The following ITPR1 variants were observed in gnomAD, a reference collection of about 807,000 sequenced individuals.
The protein encoded by ITPR1 is inositol 1,4,5-trisphosphate-gated calcium channel ITPR1.
Under a neutral mutation model 318.4 loss-of-function variants are expected in ITPR1, and 96 were observed. The ratio of observed to expected loss-of-function variants is 0.30; its 90% CI spans 0.26 to 0.36. The LOEUF is 0.36. Among genes scored for constraint, ITPR1 ranks in the 10% least tolerant of loss-of-function variants. The pLI, the probability that ITPR1 is intolerant of heterozygous loss-of-function variation, is 1.00. For missense variants in ITPR1, 2,440 were observed against 3,460.2 expected (o/e 0.71, Z 7.40); for synonymous variants, 1,312 against 1,289.9 (o/e 1.02, Z -0.37).
intron 4 of ITPR1, among the ~76,000 whole-genome samples, chr3:4,544,996 A>G (rs979996155): frequency 2.0e-5 from 3 of 151,968 alleles, no homozygotes; most frequent in South Asian, 4.2e-4. Context: ...GAGTCTCCCT[A>G]TGTTGCCCAA....
chr3:4,752,261 C>G lies in ITPR1; in HGVS notation c.5545-14269C>G, dbSNP rs192884998. On this transcript the variant is annotated intron_variant, in intron 44 of 61. Transcript: ENST00000649015. ...AACACAAACCCACAAACTGTTGAGC[C>G]CAGAGCTTGTAGCTATCAAGTCTGG... is the stretch of plus-strand genomic sequence containing the variant. Among the ~76,000 whole-genome samples, 54 of 152,220 alleles carry G rather than the reference C, an allele frequency of 3.5e-4. No homozygotes were observed. In the East Asian group the frequency reaches 8.9e-3, roughly 25 times the overall value.
intron 4 of ITPR1, among the ~76,000 whole-genome samples, chr3:4,528,332 G>T (rs2083144143): frequency 6.6e-6 from 1 of 152,182 alleles, no homozygotes; most frequent in Non-Finnish European, 1.5e-5. Flanking sequence ...TCTTTGTCAA[G>T]ATAGATGAGT....
chr3:4,624,200 T>C (rs1575774574), intron 4 of ITPR1, among the ~76,000 whole-genome samples: 1 of 152,316 alleles, frequency 6.6e-6, no homozygotes, highest in African/African-American at 2.4e-5. Flanking sequence ...GAAAAGGTCA[T>C]TTTACTCTCT....
rs543270882 is a variant in ITPR1, at chr3:4,616,990, G to A, written c.164-10773G>A. ...TTCTCATCACTCTCTTCCCTACAGC[G>A]TCCTTCTGCTTGTGGACGTAGTGAG... On this transcript the variant is annotated intron_variant, in intron 4 of 61. Coordinates refer to ENST00000649015, the MANE Select transcript of ITPR1 (RefSeq NM_001378452.1). Among the ~76,000 whole-genome samples the A allele has an allele frequency of 1.0e-3, 157 of 151,948 alleles. 2 individuals carry two copies. The highest frequency in any genetic ancestry group is 5.1e-3 in the Admixed American group (77 of 15,234).
rs768179678 is a variant in ITPR1, at chr3:4,688,558, G to A, written c.3766G>A (p.Ala1256Thr). 54 of 1,613,922 alleles carry A rather than the reference G, an allele frequency of 3.3e-5. No homozygotes were observed. The highest frequency in any genetic ancestry group is 1.6e-4 in the Middle Eastern group (1 of 6,062). The change falls in exon 31 of 62, where the codon GCA becomes ACA. Residue 1256 changes from alanine to threonine, a missense_variant. Physicochemically the swap from Ala to Thr is moderately conservative, Grantham distance 58. Around this residue, in one of 23 missense-constraint regions of ITPR1, gnomAD observed 222 missense variants for 318.8 expected, o/e 0.70. Transcript: ENST00000649015. ...LAHEFLQNFC[A>T]GNQQNQALLH... ...TCATGAATTTTTGCAGAATTTCTGCGCAGGCAACCAGCAGAATCAAGCTTT... is the reference window on the plus strand; with the variant it reads ...TCATGAATTTTTGCAGAATTTCTGCACAGGCAACCAGCAGAATCAAGCTTT...
intron 4 of ITPR1, among the ~76,000 whole-genome samples, chr3:4,587,028 G>C (rs1196791315): frequency 6.6e-6 from 1 of 151,956 alleles, no homozygotes; most frequent in Non-Finnish European, 1.5e-5. Context: ...ATATTCCCTG[G>C]CTCCATCCTT....
At chr3:4,697,103 C>A in intron 33 of ITPR1, 44 bp from the exon 34 acceptor site, 1 of 1,598,684 alleles carries the variant, frequency 6.3e-7, no homozygotes, top group Non-Finnish European at 8.5e-7. Context: ...GAGTTCCATA[C>A]ACACCAAGAT....
intron 4 of ITPR1, among the ~76,000 whole-genome samples, chr3:4,546,467 G>A (rs1272450599): frequency 6.6e-6 from 1 of 152,190 alleles, no homozygotes; most frequent in Admixed American, 6.5e-5. Flanking sequence ...AAGACTTGGA[G>A]CTAAGAGTTC....
chr3:4,728,168 A>G (rs754335562), intron 42 of ITPR1, among the ~76,000 whole-genome samples: 4 of 152,234 alleles, frequency 2.6e-5, no homozygotes, highest in Non-Finnish European at 5.9e-5. Context: ...TTCCTTGGCC[A>G]AGGGGTAGAT....
In ITPR1 at chr3:4,751,301, A is replaced by C. The variant is rs183801529; in HGVS notation, c.5545-15229A>C. 3 of 152,388 alleles carry C rather than the reference A, an allele frequency of 2.0e-5. No homozygotes were observed. The East Asian group carries it at 5.8e-4, about 29-fold the overall frequency. 9.4% of individuals were successfully genotyped at this position (152,388 alleles called of 1,614,324 possible). A position where few individuals can be genotyped will look rare whatever the true frequency, so the allele number is the denominator to read the frequency against. On this transcript the variant is annotated intron_variant, in intron 44 of 61. Coordinates refer to ENST00000649015, the MANE Select transcript of ITPR1 (RefSeq NM_001378452.1). ...TCAGCTTGCATTTAATTAAAAAAAA[A>C]AATGCTGCCCCATCAGATTCTCAGC...
At chr3:4,521,399 A>G (rs2082554426) in intron 4 of ITPR1, among the ~76,000 whole-genome samples, 2 of 152,220 alleles carry the variant, frequency 1.3e-5, no homozygotes, top group Admixed American at 6.5e-5. Context: ...TTATGGATCC[A>G]GTCACAGGGA....
At chr3:4,746,753 C>G (rs1329077630) in intron 44 of ITPR1, among the ~76,000 whole-genome samples, 1 of 152,214 alleles carries the variant, frequency 6.6e-6, no homozygotes, top group Non-Finnish European at 1.5e-5. Flanking sequence ...TGGGAATTCA[C>G]TGAGATAATA....
chr3:4,696,489 C>G (rs570847078), intron 33 of ITPR1, among the ~76,000 whole-genome samples: 1 of 152,124 alleles, frequency 6.6e-6, no homozygotes, highest in Admixed American at 6.5e-5. Flanking sequence ...ACATACACCA[C>G]GTTTTGTGTG....
intron 4 of ITPR1, among the ~76,000 whole-genome samples, chr3:4,526,159 A>G (rs1055402005): frequency 2.0e-5 from 3 of 152,244 alleles, no homozygotes; most frequent in Admixed American, 6.5e-5. Flanking sequence ...TACCATATCA[A>G]TAATATCAAA....
At chr3:4,503,921 C>G (rs1049861162) in intron 2 of ITPR1, among the ~76,000 whole-genome samples, 28 of 152,086 alleles carry the variant, frequency 1.8e-4, no homozygotes, top group African/African-American at 6.5e-4. Flanking sequence ...CACCCTCCCC[C>G]TCTCGCCCCC....
chr3:4,614,023 G>A (rs2092282520), intron 4 of ITPR1, among the ~76,000 whole-genome samples: 2 of 152,132 alleles, frequency 1.3e-5, no homozygotes. Flanking sequence ...AGTTGCGCCT[G>A]TTTTTGAACT....
intron 44 of ITPR1, among the ~76,000 whole-genome samples, chr3:4,743,939 A>T (rs141978251): frequency 2.6e-5 from 4 of 152,196 alleles, no homozygotes; most frequent in Non-Finnish European, 5.9e-5. Context: ...GGTTCAAGCA[A>T]TTCTCCTGTC....
rs762769519 is a variant in ITPR1 at position 4,710,066 on chromosome 3, C to T, written c.4843-259C>T. Among the ~76,000 whole-genome samples the T allele has an allele frequency of 1.3e-5, 2 of 152,128 alleles. No homozygotes were observed. Among genetic ancestry groups the T allele is most frequent in the African/African-American group, 2.4e-5 (1 of 41,400 alleles). On this transcript the variant is annotated intron_variant, in intron 37 of 61. Transcript: ENST00000649015. This position sits in a 1 kb window ranked among gnomAD's most constrained non-coding sequence, Gnocchi z 4.2. ...ATATTTTAAGCTACATGCAGTGGTA[C>T]CTTGAGTAGCATAAGGGCCACCTTG...
chr3:4,840,194 T>G (rs537724686), intron 61 of ITPR1, among the ~76,000 whole-genome samples: 11 of 152,164 alleles, frequency 7.2e-5, no homozygotes, highest in Non-Finnish European at 1.5e-4. Flanking sequence ...AGTTTGGTTA[T>G]AGCAATCATA....
Sources: gnomAD v4.1 joint callset for allele counts (sites outside exome capture counted in the v4.1 genomes callset) on GRCh38, gnomAD v4.1.1 for gene constraint, gnomAD v4.1.1 regional missense constraint, Gnocchi (gnomAD v3.1) non-coding constraint, MANE v1.5 for transcripts, NCBI Gene and HGNC (gene_info 2026-07-23, HGNC 2026-07-21) for gene names.